NUP214: variants seen among roughly 807,000 people sequenced by gnomAD.
NUP214 encodes the protein nuclear pore complex protein Nup214.
NUP214 carries 79 observed loss-of-function variants against 196.2 expected under a neutral mutation model. The ratio of observed to expected loss-of-function variants is 0.40; its 90% CI spans 0.34 to 0.49. The LOEUF is 0.49. Ranked by LOEUF, NUP214 falls within the 20% of genes least tolerant of loss-of-function variation. The probability of loss-of-function intolerance (pLI) is 0.58; values close to 1 mark genes in which losing one functional copy is unlikely to be tolerated. For synonymous variants in NUP214, 1,020 were observed against 990.5 expected (o/e 1.03, Z -0.56); for missense variants, 2,468 against 2,539.0 (o/e 0.97, Z 0.60).
At position 131,228,199 on chromosome 9, in the gene NUP214, C is replaced by G; in HGVS notation, c.5942C>G (p.Thr1981Ser). The change falls in exon 33 of 36, where the codon ACT becomes AGT. Residue 1981 changes from threonine (T) to serine (S), a missense_variant. Around this residue, in one of 5 missense-constraint regions of NUP214, gnomAD observed 262 missense variants for 296.5 expected, o/e 0.88. Coordinates refer to ENST00000359428, the MANE Select transcript of NUP214 (RefSeq NM_005085.4). ...GAAPVFGSPP[T>S]FGGSPGFGGV... ...GCTCCAGTGTTTGGCAGCCCTCCTA[C>G]TTTTGGGGGATCCCCTGGGTTTGGA... 2 of 1,603,816 alleles carry G rather than the reference C, an allele frequency of 1.2e-6. No homozygotes were observed. The highest frequency in any genetic ancestry group is 1.1e-5 in the South Asian group (1 of 89,928).
chr9:131,214,165 G>T (rs1467994403), intron 30 of NUP214, among the ~76,000 whole-genome samples: 1 of 152,176 alleles, frequency 6.6e-6, no homozygotes, highest in Non-Finnish European at 1.5e-5. Flanking sequence ...CATTTCAGAA[G>T]TGGCCCACTG....
At chr9:131,152,832 A>G (rs1003910197) in intron 17 of NUP214, among the ~76,000 whole-genome samples, 17 of 152,010 alleles carry the variant, frequency 1.1e-4, no homozygotes, top group Non-Finnish European at 2.4e-4. Flanking sequence ...CCTGGGCTGA[A>G]GTGGCACCAT....
intron 5 of NUP214, among the ~76,000 whole-genome samples, chr9:131,131,454 G>A (rs1465393144): frequency 6.6e-6 from 1 of 152,232 alleles, no homozygotes. Flanking sequence ...CACAGGTGGT[G>A]CTAAGGCCTT....
At chr9:131,154,354 G>T (rs1399095167) in intron 17 of NUP214, among the ~76,000 whole-genome samples, 1 of 152,140 alleles carries the variant, frequency 6.6e-6, no homozygotes, top group Admixed American at 6.5e-5. Context: ...ACCCCAATGT[G>T]TAGTATTTTA....
chr9:131,144,305 C>G lies in NUP214; in HGVS notation c.1320C>G (p.Ser440=). 1 of 1,613,956 alleles carries G rather than the reference C, an allele frequency of 6.2e-7. No individual in the cohort carries two copies. Among genetic ancestry groups the G allele is most frequent in the Non-Finnish European group, 8.5e-7 (1 of 1,179,984 alleles). ...SPGSTPTTPT[S]SQAPQKLDAS... is the part of the protein sequence containing the mutation. ...GAAGTACTCCCACTACCCCAACCTC[C>G]TCTCAAGCCCCACAGAAACTGGATG... The change falls in exon 12 of 36, where the codon TCC becomes TCG. Residue 440 remains serine (S), a synonymous_variant. Coordinates refer to ENST00000359428, the MANE Select transcript of NUP214 (RefSeq NM_005085.4).
At position 131,197,331 on chromosome 9, in the gene NUP214, C is replaced by T. The variant is rs746652205; in HGVS notation, c.3837C>T (p.Ser1279=). Residue 1279 remains serine, a synonymous_variant, in exon 29 of 36, where the codon TCC becomes TCT. Coordinates refer to ENST00000359428, the MANE Select transcript of NUP214 (RefSeq NM_005085.4). ...GCTCACCTCCCTCAGGAATCACATC[C>T]GCATCAAACACCACCCCAGGAGAAC... ...PESSPPSGIT[S]ASNTTPGEPA... is the part of the protein sequence containing the mutation. The T allele has an allele frequency of 6.8e-6, 11 of 1,614,052 alleles. No individual in the cohort carries two copies. Among genetic ancestry groups the T allele is most frequent in the African/African-American group, 5.3e-5 (4 of 74,912 alleles).
intron 31 of NUP214, among the ~76,000 whole-genome samples, chr9:131,219,700 G>A (rs1282248045): frequency 6.6e-6 from 1 of 152,126 alleles, no homozygotes. Context: ...CACTGTGTAG[G>A]GCCATTCCCA....
Position 131,128,479 on chromosome 9 carries a change from A to T in NUP214, c.389A>T (p.Asn130Ile). 1 of 1,612,256 alleles carries T rather than the reference A, an allele frequency of 6.2e-7. No homozygotes were observed. ...IAFFDVRTFS[N>I]EAKQQKRPFA... is the part of the protein sequence containing the mutation. ...TTTTTTGATGTTCGCACATTCTCAA[A>T]TGAGGTAAGCTACTGTTATACTGTG... Residue 130 changes from asparagine (N) to isoleucine (I), a missense_variant, in exon 3 of 36, where the codon AAT becomes ATT. Asn to Ile is a moderately radical substitution (Grantham distance 149). Coordinates refer to ENST00000359428, the MANE Select transcript of NUP214 (RefSeq NM_005085.4).
intron 10 of NUP214, 116 bp downstream of exon 10, chr9:131,139,523 T>C: frequency 1.4e-6 from 2 of 1,434,680 alleles, no homozygotes; most frequent in Non-Finnish European, 1.9e-6. Context: ...TTGTAGCTTC[T>C]GGCAGCACAT....
In NUP214 at chr9:131,234,507, A is replaced by G; in HGVS notation, c.*1020A>G. On this transcript the variant is annotated 3_prime_UTR_variant, in exon 36 of 36. Coordinates refer to ENST00000359428, the MANE Select transcript of NUP214 (RefSeq NM_005085.4). ...ACAAGGACCGTCTCGCATTGAAAAC[A>G]GATGTAAGAATTTCTCTTTCAGGCC... 1 of 232,084 alleles carries G rather than the reference A, an allele frequency of 4.3e-6. No homozygotes were observed. Among genetic ancestry groups the G allele is most frequent in the Non-Finnish European group, 8.5e-6 (1 of 117,346 alleles). 14.4% of individuals were successfully genotyped at this position (232,084 alleles called of 1,614,324 possible).
chr9:131,126,883 G>A (rs1406749421), intron 1 of NUP214: 1 of 152,174 alleles, frequency 6.6e-6, no homozygotes, highest in African/African-American at 2.4e-5. Flanking sequence ...ATCACCACCT[G>A]TGGTGAGCCA....
At chr9:131,221,846 A>AC (rs200233664) in intron 31 of NUP214, among the ~76,000 whole-genome samples, 3,540 of 144,382 alleles carry the variant, frequency 0.025, 47 homozygotes, top group Middle Eastern at 0.028. Context: ...ACCAACGCCC[A>AC]CCCCCCCCAA....
intron 21 of NUP214, among the ~76,000 whole-genome samples, chr9:131,168,044 C>T (rs752020315): frequency 1.4e-4 from 22 of 152,180 alleles, no homozygotes; most frequent in Non-Finnish European, 2.9e-4. Context: ...GCCAGGCCAC[C>T]ATGCCCAGAT....
intron 17 of NUP214, among the ~76,000 whole-genome samples, chr9:131,157,554 T>A (rs1259029845): frequency 1.4e-5 from 2 of 141,602 alleles, no homozygotes; most frequent in East Asian, 4.6e-4. Flanking sequence ...AACCTCAGCC[T>A]CCTGGGTTCA....
chr9:131,139,748 C>G (rs1198532290), intron 10 of NUP214, among the ~76,000 whole-genome samples: 1 of 152,154 alleles, frequency 6.6e-6, no homozygotes, highest in Non-Finnish European at 1.5e-5. Flanking sequence ...TCCCTGGTGA[C>G]CTCCCAAAGA....
chr9:131,202,463 G>T (rs968009113), intron 30 of NUP214, among the ~76,000 whole-genome samples: 1 of 152,096 alleles, frequency 6.6e-6, no homozygotes, highest in Non-Finnish European at 1.5e-5. Flanking sequence ...TAACTCTGTT[G>T]CCCAGGCTGG....
chr9:131,133,067 G>C, intron 6 of NUP214, 39 bp from the exon 7 acceptor site: 3 of 1,474,614 alleles, frequency 2.0e-6, no homozygotes, highest in Non-Finnish European at 2.8e-6. Flanking sequence ...TCTGGTTGCT[G>C]TCATTTTTAT....
intron 5 of NUP214, among the ~76,000 whole-genome samples, chr9:131,131,753 G>A (rs1215924216): frequency 1.3e-5 from 2 of 151,538 alleles, no homozygotes; most frequent in Admixed American, 6.6e-5. Context: ...GTGTGATAAC[G>A]TAATGGTTCA....
intron 12 of NUP214, 70 bp downstream of exon 12, chr9:131,144,824 AGAGTCACTCT>A: frequency 8.2e-7 from 1 of 1,223,944 alleles, no homozygotes; most frequent in East Asian, 2.4e-5. Context: ...TACTAAAAGT[AGAGTCACTCT>A]GAGAGGAGTT....
Sources: allele counts gnomAD v4.1 joint callset (sites outside exome capture counted in the v4.1 genomes callset), GRCh38; gene constraint gnomAD v4.1.1; regional missense constraint gnomAD v4.1.1; transcripts MANE v1.5; gene names NCBI Gene and HGNC (gene_info 2026-07-23, HGNC 2026-07-21).